Variants in NFIB observed in about 807,000 individuals in gnomAD.
NFIB encodes the protein nuclear factor I B.
A neutral mutation model predicts 61.5 loss-of-function variants in NFIB; 11 were observed. The observed-to-expected ratio is 0.18, with a 90% CI of 0.11 to 0.30. NFIB has a LOEUF of 0.30. Among genes scored for constraint, NFIB ranks in the 10% least tolerant of loss-of-function variants. NFIB has a pLI of 1.00. For missense variants in NFIB, 471 were observed against 608.9 expected (o/e 0.77, Z 2.38); for synonymous variants, 260 against 216.5 (o/e 1.20, Z -1.76).
the NFIB span, among the ~76,000 whole-genome samples, chr9:14,484,877 A>G: frequency 2.6e-5 from 4 of 152,108 alleles, no homozygotes; most frequent in Admixed American, 1.3e-4. Context: ...ACAGAAATAT[A>G]TTTTTTTCAA....
chr9:14,443,331 G>A, the NFIB span, among the ~76,000 whole-genome samples: 2 of 152,014 alleles, frequency 1.3e-5, no homozygotes, highest in African/African-American at 4.8e-5. Context: ...TTCATCTGAA[G>A]CTTCTCTCAA....
At chr9:14,491,197 T>C in the NFIB span, among the ~76,000 whole-genome samples, 2 of 152,192 alleles carry the variant, frequency 1.3e-5, no homozygotes, top group Admixed American at 6.5e-5. Flanking sequence ...GATTAAATGA[T>C]TGAGTGCATG....
the NFIB span, among the ~76,000 whole-genome samples, chr9:14,523,418 C>A: frequency 6.6e-6 from 1 of 152,080 alleles, no homozygotes; most frequent in Non-Finnish European, 1.5e-5. Context: ...TCTCCACAGT[C>A]TACCCATTCT....
chr9:14,519,015 T>C, the NFIB span, among the ~76,000 whole-genome samples: 2 of 152,146 alleles, frequency 1.3e-5, no homozygotes, highest in African/African-American at 4.8e-5. Context: ...GAAATCATCT[T>C]TGATGGGTCC....
At chr9:14,408,714 A>G in the NFIB span, among the ~76,000 whole-genome samples, 3 of 152,366 alleles carry the variant, frequency 2.0e-5, no homozygotes, top group South Asian at 6.2e-4. Flanking sequence ...TTGAGAGATA[A>G]GAAAAAATTA....
At chr9:14,496,320 T>C in the NFIB span, among the ~76,000 whole-genome samples, 1 of 152,212 alleles carries the variant, frequency 6.6e-6, no homozygotes, top group Non-Finnish European at 1.5e-5. Context: ...TATTTTTCCC[T>C]TGGAGACACT....
At chr9:14,395,584 C>T (rs575095738) in intron 1 of NFIB, among the ~76,000 whole-genome samples, 1 of 152,132 alleles carries the variant, frequency 6.6e-6, no homozygotes, top group East Asian at 1.9e-4. Flanking sequence ...TGTAAGCCGG[C>T]CCCGATCTGT....
At chr9:14,347,932 G>T (rs1487575671) in intron 1 of NFIB, among the ~76,000 whole-genome samples, 1 of 152,162 alleles carries the variant, frequency 6.6e-6, no homozygotes, top group Non-Finnish European at 1.5e-5. Context: ...GCGTAGTTTC[G>T]CGTCGCACGC....
intron 2 of NFIB, among the ~76,000 whole-genome samples, chr9:14,180,023 A>G (rs2046591347): frequency 6.6e-6 from 1 of 152,212 alleles, no homozygotes; most frequent in South Asian, 2.1e-4. Flanking sequence ...GGGCTAGAGC[A>G]AGGTTTTTTT....
intron 2 of NFIB, chr9:14,204,947 C>T (rs2049472449): frequency 2.9e-6 from 1 of 340,438 alleles, no homozygotes; most frequent in Admixed American, 3.3e-5. Flanking sequence ...TGAGATCCGT[C>T]ATCACTGGGG....
At chr9:14,450,252 G>A in the NFIB span, among the ~76,000 whole-genome samples, 1 of 152,076 alleles carries the variant, frequency 6.6e-6, no homozygotes, top group African/African-American at 2.4e-5. Flanking sequence ...ACTTTGCTAA[G>A]AATGATGGTT....
chr9:14,407,054 G>A, the NFIB span, among the ~76,000 whole-genome samples: 3 of 152,080 alleles, frequency 2.0e-5, no homozygotes, highest in African/African-American at 7.2e-5. Flanking sequence ...TCATTCTGTG[G>A]CCCTCTTGGC....
chr9:14,380,255 T>A (rs958914118), intron 1 of NFIB, among the ~76,000 whole-genome samples: 1 of 152,114 alleles, frequency 6.6e-6, no homozygotes, highest in Non-Finnish European at 1.5e-5. Flanking sequence ...AGAAGCTCCA[T>A]GGAAGCAAGG....
At chr9:14,312,921 C>G (rs964913081) in intron 1 of NFIB, among the ~76,000 whole-genome samples, 3 of 152,190 alleles carry the variant, frequency 2.0e-5, no homozygotes, top group African/African-American at 7.2e-5. Context: ...ACCAGGGTTT[C>G]AGATCCCCAA....
In NFIB at chr9:14,088,154, T is replaced by A. The variant is rs750163738; in HGVS notation, c.*155A>T. The A allele has an allele frequency of 4.3e-5, 58 of 1,338,228 alleles. No homozygotes were observed. The highest frequency in any genetic ancestry group is 2.6e-4 in the South Asian group (15 of 58,032). The allele number at this position is 1,338,228 out of a possible 1,614,324, so 82.9% of individuals were successfully genotyped here. A position where few individuals can be genotyped will look rare whatever the true frequency, so the allele number is the denominator to read the frequency against. ...CTTCCTCTTTTCCTTTTTTTTTATT[T>A]AAAAAAAAAATTTCTTAAACTATTG... On this transcript the variant is annotated 3_prime_UTR_variant, in exon 11 of 11. Transcript: ENST00000380953.
At chr9:14,206,639 CAA>C (rs902774923) in intron 2 of NFIB, among the ~76,000 whole-genome samples, 1 of 125,800 alleles carries the variant, frequency 7.9e-6, no homozygotes, top group African/African-American at 3.1e-5. Context: ...CTAGTACCTG[CAA>C]AGAGACCCTA....
intron 1 of NFIB, among the ~76,000 whole-genome samples, chr9:14,348,654 C>T (rs771798592): frequency 2.6e-5 from 4 of 152,250 alleles, no homozygotes; most frequent in Non-Finnish European, 5.9e-5. Context: ...CTGCGCAATA[C>T]TGGCAGCAGT....
chr9:14,518,559 G>A, the NFIB span, among the ~76,000 whole-genome samples: 1 of 151,622 alleles, frequency 6.6e-6, no homozygotes, highest in South Asian at 2.1e-4. Flanking sequence ...TGAGAAAGAG[G>A]AGTAGAAAGA....
chr9:14,255,320 T>C (rs981388084), intron 2 of NFIB, among the ~76,000 whole-genome samples: 1 of 152,236 alleles, frequency 6.6e-6, no homozygotes, highest in Non-Finnish European at 1.5e-5. Context: ...AGAATCTTGC[T>C]GAATTTGTTG....
Sources: allele counts gnomAD v4.1 joint callset (sites outside exome capture counted in the v4.1 genomes callset), GRCh38; gene constraint gnomAD v4.1.1; transcripts MANE v1.5; gene names NCBI Gene and HGNC (gene_info 2026-07-23, HGNC 2026-07-21).